The following ARHGAP26 variants were observed in gnomAD, a reference collection of about 807,000 sequenced individuals.
The protein encoded by ARHGAP26 is Rho GTPase activating protein 26.
A neutral mutation model predicts 104.8 loss-of-function variants in ARHGAP26; 38 were observed. That is an observed-to-expected ratio of 0.36 (90% CI 0.28 to 0.48). The LOEUF (loss-of-function observed/expected upper bound fraction) is 0.48. ARHGAP26 is among the 20% of genes least tolerant of loss of function. ARHGAP26 has a pLI of 0.99. For synonymous variants in ARHGAP26, 341 were observed against 340.0 expected, an observed-to-expected ratio of 1.00 and a Z score of -0.03; for missense variants, 704 against 947.9, an observed-to-expected ratio of 0.74 and a Z score of 3.38.
chr5:142,876,802 A>G (rs999852221), intron 3 of ARHGAP26, among the ~76,000 whole-genome samples: 4 of 139,512 alleles, frequency 2.9e-5, no homozygotes, highest in Admixed American at 7.1e-5. Context: ...AAAAAAAAAA[A>G]GGATTTCTTT....
chr5:142,887,158 C>T (rs1470564569), intron 5 of ARHGAP26, among the ~76,000 whole-genome samples: 1 of 152,198 alleles, frequency 6.6e-6, no homozygotes, highest in South Asian at 2.1e-4. Flanking sequence ...GATCCATTCT[C>T]TCCGTGGTCA....
At chr5:143,037,376 C>A in intron 13 of ARHGAP26, 115 bp downstream of exon 13, 1 of 762,194 alleles carries the variant, frequency 1.3e-6, no homozygotes, top group Non-Finnish European at 2.0e-6. Flanking sequence ...TCCCCAAGTG[C>A]CATTGTCAGT....
chr5:142,775,477 T>C (rs1338106240), intron 1 of ARHGAP26, among the ~76,000 whole-genome samples: 1 of 152,232 alleles, frequency 6.6e-6, no homozygotes, highest in Non-Finnish European at 1.5e-5. Context: ...TTGTTTGTTG[T>C]AAAATATACA....
chr5:142,880,378 A>G (rs899463745), intron 4 of ARHGAP26, among the ~76,000 whole-genome samples: 3 of 152,076 alleles, frequency 2.0e-5, no homozygotes, highest in African/African-American at 4.8e-5. Context: ...TTAGCTGGGC[A>G]TGGTGGTGGG....
chr5:142,904,932 C>CT (rs1486855683), intron 8 of ARHGAP26, among the ~76,000 whole-genome samples: 2 of 152,138 alleles, frequency 1.3e-5, no homozygotes, highest in African/African-American at 4.8e-5. Flanking sequence ...TTAGTAATTA[C>CT]TCAAAAATTT....
chr5:142,922,052 C>T (rs755314059), intron 10 of ARHGAP26: 1 of 152,054 alleles, frequency 6.6e-6, no homozygotes, highest in Non-Finnish European at 1.5e-5. Context: ...TGCAAAGGGC[C>T]TGCTAGGGTA....
intron 1 of ARHGAP26, among the ~76,000 whole-genome samples, chr5:142,851,604 A>G (rs1207945118): frequency 1.3e-5 from 2 of 152,170 alleles, no homozygotes; most frequent in East Asian, 1.9e-4. Context: ...CCAACTATTT[A>G]TGGATCACTG....
intron 1 of ARHGAP26, among the ~76,000 whole-genome samples, chr5:142,872,483 G>A (rs1377031226): frequency 1.3e-5 from 2 of 152,174 alleles, no homozygotes; most frequent in African/African-American, 2.4e-5. Flanking sequence ...TAATCTGCAG[G>A]AAGACTGCAC....
intron 20 of ARHGAP26, 25 bp from the exon 21 acceptor site, chr5:143,207,173 G>A (rs1242103028): frequency 6.2e-7 from 1 of 1,607,202 alleles, no homozygotes; most frequent in South Asian, 1.1e-5. Context: ...GTGCTGACAA[G>A]TTTTCTGGTT....
At chr5:143,067,023 C>T (rs923151670) in intron 17 of ARHGAP26, among the ~76,000 whole-genome samples, 5 of 151,500 alleles carry the variant, frequency 3.3e-5, no homozygotes, top group African/African-American at 4.9e-5. Context: ...CCTCCCCCTC[C>T]CCCTCCTCTG....
chr5:143,187,083 A>G (rs1054350265), intron 20 of ARHGAP26, among the ~76,000 whole-genome samples: 10 of 152,174 alleles, frequency 6.6e-5, no homozygotes, highest in African/African-American at 2.4e-4. Context: ...TATATTGTAT[A>G]TATTATCTCC....
At chr5:142,789,716 C>A (rs1433377520) in intron 1 of ARHGAP26, among the ~76,000 whole-genome samples, 1 of 152,188 alleles carries the variant, frequency 6.6e-6, no homozygotes, top group Admixed American at 6.5e-5. Context: ...CTTGCACCCC[C>A]ACCCATACAC....
rs1347414504 is a variant in ARHGAP26, at chr5:142,948,182, G to A, written c.1107+16057G>A. 7.9e-5 allele frequency among the ~76,000 whole-genome samples: 12 copies of A among 151,892 alleles called. 1 individual carries two copies. Among genetic ancestry groups the A allele is most frequent in the Admixed American group, 7.9e-4 (12 of 15,234 alleles). On this transcript the variant is annotated intron_variant, in intron 11 of 22. Coordinates refer to ENST00000645722, the MANE Select transcript of ARHGAP26 (RefSeq NM_001135608.3). ...CTTTTCCTTTTCTTAGTAATTTTTAGTATATGGCAGAAACCATATACTAAA... is the reference window on the plus strand; with the variant it reads ...CTTTTCCTTTTCTTAGTAATTTTTAATATATGGCAGAAACCATATACTAAA...
intron 1 of ARHGAP26, among the ~76,000 whole-genome samples, chr5:142,777,327 G>T (rs973586977): frequency 1.3e-5 from 2 of 152,218 alleles, no homozygotes; most frequent in African/African-American, 4.8e-5. Flanking sequence ...TGCCACACAG[G>T]CTGGACTTCC....
At chr5:143,050,956 G>A (rs936132885) in intron 14 of ARHGAP26, among the ~76,000 whole-genome samples, 12 of 152,188 alleles carry the variant, frequency 7.9e-5, no homozygotes, top group East Asian at 5.8e-4. Context: ...TGGGTCTTGA[G>A]CCAGTAAGAG....
intron 11 of ARHGAP26, among the ~76,000 whole-genome samples, chr5:142,991,945 A>G (rs1045175138): frequency 6.6e-6 from 1 of 152,222 alleles, no homozygotes; most frequent in Non-Finnish European, 1.5e-5. Flanking sequence ...CATGAGTTGC[A>G]TATGGGAATA....
At chr5:142,839,651 A>G (rs1384494435) in intron 1 of ARHGAP26, among the ~76,000 whole-genome samples, 1 of 152,164 alleles carries the variant, frequency 6.6e-6, no homozygotes, top group African/African-American at 2.4e-5. Flanking sequence ...CTGGTTTTCA[A>G]AACCAAAAAA....
chr5:142,976,426 G>T (rs1773098608), intron 11 of ARHGAP26, among the ~76,000 whole-genome samples: 1 of 152,098 alleles, frequency 6.6e-6, no homozygotes, highest in Admixed American at 6.5e-5. Context: ...TCCCTATTTG[G>T]CCCTTTTGCT....
At chr5:142,818,309 G>GC (rs1387536661) in intron 1 of ARHGAP26, among the ~76,000 whole-genome samples, 3 of 151,766 alleles carry the variant, frequency 2.0e-5, no homozygotes, top group Non-Finnish European at 2.9e-5. Flanking sequence ...GCCAAGCCAT[G>GC]CCCCGGTCAG....
Sources: allele counts gnomAD v4.1 joint callset (sites outside exome capture counted in the v4.1 genomes callset), GRCh38; gene constraint gnomAD v4.1.1; transcripts MANE v1.5; gene names NCBI Gene and HGNC (gene_info 2026-07-23, HGNC 2026-07-21).